The following RPTOR variants were observed in gnomAD, a reference collection of about 807,000 sequenced individuals.
RPTOR encodes regulatory-associated protein of mTOR.
Under a neutral mutation model 169.9 loss-of-function variants are expected in RPTOR, and 21 were observed. The observed-to-expected ratio is 0.12, with a 90% CI of 0.09 to 0.18. The LOEUF (loss-of-function observed/expected upper bound fraction) is 0.18, where lower values mean the gene tolerates loss of function less well. RPTOR is among the 10% of genes least tolerant of loss of function. RPTOR has a pLI of 1.00. For missense variants in RPTOR, 1,133 were observed against 1,855.9 expected (o/e 0.61, Z 7.16); for synonymous variants, 732 against 753.2 (o/e 0.97, Z 0.46).
chr17:80,880,119 C>A (rs944003703), intron 13 of RPTOR, among the ~76,000 whole-genome samples: 1 of 152,124 alleles, frequency 6.6e-6, no homozygotes, highest in Non-Finnish European at 1.5e-5. Flanking sequence ...TGGAGAGGAG[C>A]GGGGTGCAGG....
chr17:80,921,962 G>C lies in RPTOR; in HGVS notation c.2521-762G>C, dbSNP rs572618535. On this transcript the variant is annotated intron_variant, in intron 21 of 33. Transcript: ENST00000306801. Reference sequence around the variant, plus strand: ...AGGATGACCACAGCCCCTCGGCCAGGAGGATGTTAAGGGCGGTCTTGAGTT... The same window carrying C: ...AGGATGACCACAGCCCCTCGGCCAGCAGGATGTTAAGGGCGGTCTTGAGTT... Among the ~76,000 whole-genome samples, 3 of 152,308 alleles carry C rather than the reference G, an allele frequency of 2.0e-5. No individual in the cohort carries two copies. In the East Asian group the frequency reaches 5.8e-4, roughly 29 times the overall value.
At chr17:80,593,546 A>C (rs191148452) in intron 1 of RPTOR, 1 of 154,572 alleles carries the variant, frequency 6.5e-6, no homozygotes, top group Non-Finnish European at 1.5e-5. Context: ...GTGTGTATCA[A>C]ACAATACTGA....
At chr17:80,722,291 ACT>A (rs1331544932) in intron 4 of RPTOR, among the ~76,000 whole-genome samples, 1 of 150,968 alleles carries the variant, frequency 6.6e-6, no homozygotes, top group East Asian at 1.9e-4. Context: ...AAAATAACCA[ACT>A]CTCTGTAGAG....
At chr17:80,916,769 G>A (rs181702183) in intron 21 of RPTOR, among the ~76,000 whole-genome samples, 14 of 152,302 alleles carry the variant, frequency 9.2e-5, no homozygotes, top group Admixed American at 7.8e-4. Flanking sequence ...GGAGGCCAAG[G>A]CGGGCGGATC....
At chr17:80,580,960 C>T (rs1475920916) in intron 1 of RPTOR, among the ~76,000 whole-genome samples, 2 of 151,418 alleles carry the variant, frequency 1.3e-5, no homozygotes, top group African/African-American at 4.8e-5. Context: ...GAATCTGTGG[C>T]CACCCACATC....
At chr17:80,910,433 C>T (rs1033675063) in intron 21 of RPTOR, among the ~76,000 whole-genome samples, 11 of 152,164 alleles carry the variant, frequency 7.2e-5, no homozygotes, top group African/African-American at 2.7e-4. Flanking sequence ...TTTTTGGTAA[C>T]TTTTTGATAA....
At position 80,545,751 on chromosome 17, in the gene RPTOR, G is replaced by T. The variant is rs770106611; in HGVS notation, c.122G>T (p.Gly41Val). Residue 41 changes from glycine (G) to valine (V), a missense_variant, in exon 1 of 34, where the codon GGC (glycine) becomes GTC (valine). Transcript: ENST00000306801. ...AAGAGGCACTGTGAGAAAATTGAAG[G>T]CTCCAAATCCTTAGCTCAGAGCTGG... The part of the protein sequence containing the change: ...MKKRHCEKIE[G>V]SKSLAQSWRM... 6.2e-7 allele frequency: 1 copy of T among 1,613,796 alleles called. No individual in the cohort carries two copies. Among genetic ancestry groups the T allele is most frequent in the Non-Finnish European group, 8.5e-7 (1 of 1,179,830 alleles).
chr17:80,872,135 C>A (rs1313289661), intron 13 of RPTOR, among the ~76,000 whole-genome samples: 1 of 152,202 alleles, frequency 6.6e-6, no homozygotes, highest in Non-Finnish European at 1.5e-5. Context: ...CTGGCGTCTT[C>A]CACAGAAGCT....
chr17:80,662,234 C>T (rs546549321), intron 3 of RPTOR, among the ~76,000 whole-genome samples: 2 of 152,196 alleles, frequency 1.3e-5, no homozygotes, highest in Non-Finnish European at 2.9e-5. Flanking sequence ...CCTTCTGCCT[C>T]CTATCACCAG....
chr17:80,584,701 C>G (rs552202266), intron 1 of RPTOR, among the ~76,000 whole-genome samples: 2 of 152,210 alleles, frequency 1.3e-5, no homozygotes, highest in Non-Finnish European at 2.9e-5. Context: ...TTCAGCTTCA[C>G]GGGCCTGTCC....
In RPTOR at chr17:80,962,319, C is replaced by G. The variant is rs1357735110; in HGVS notation, c.3693-142C>G. On this transcript the variant is annotated intron_variant, in intron 31 of 33. Transcript: ENST00000306801. ...ACCTGGGCAGCCCTCACTGGGGACGCTGAGCATCCAGGCAGCTTTTTCCTT... is the reference window on the plus strand; with the variant it reads ...ACCTGGGCAGCCCTCACTGGGGACGGTGAGCATCCAGGCAGCTTTTTCCTT... 3 of 694,966 alleles carry G rather than the reference C, an allele frequency of 4.3e-6. No homozygotes were observed. In the African/African-American group the frequency reaches 5.4e-5, roughly 12 times the overall value. The allele number at this position is 694,966 out of a possible 1,614,324, so 43.0% of individuals were successfully genotyped here. A position where few individuals can be genotyped will look rare whatever the true frequency, so the allele number is the denominator to read the frequency against.
At chr17:80,881,302 G>A (rs1194803375) in intron 14 of RPTOR, among the ~76,000 whole-genome samples, 1 of 152,224 alleles carries the variant, frequency 6.6e-6, no homozygotes, top group African/African-American at 2.4e-5. Flanking sequence ...TGCACTTTGT[G>A]TTGTATTGAA....
At chr17:80,775,403 C>T (rs1343701022) in intron 6 of RPTOR, among the ~76,000 whole-genome samples, 1 of 152,190 alleles carries the variant, frequency 6.6e-6, no homozygotes, top group East Asian at 1.9e-4. Context: ...CAGCCCCATA[C>T]CCAGCCAGTC....
intron 17 of RPTOR, among the ~76,000 whole-genome samples, chr17:80,889,024 G>A (rs1011739470): frequency 2.0e-5 from 3 of 152,204 alleles, no homozygotes; most frequent in South Asian, 2.1e-4. Flanking sequence ...CTTGTCGTTC[G>A]TGATCAGAGG....
At chr17:80,713,127 G>A (rs1290737024) in intron 4 of RPTOR, among the ~76,000 whole-genome samples, 2 of 152,148 alleles carry the variant, frequency 1.3e-5, no homozygotes, top group African/African-American at 2.4e-5. Flanking sequence ...AGAGTACAAT[G>A]GCGTGATCTT....
At position 80,796,396 on chromosome 17, in the gene RPTOR, G is replaced by T. The variant is rs968537410; in HGVS notation, c.890+4887G>T. On this transcript the variant is annotated intron_variant, in intron 7 of 33. Transcript: ENST00000306801. ...GTTTAACTGAGTCACAGTTCTGCAT[G>T]GCTAGGGAGGCCTCAGGAAACTTAC... 3.3e-5 allele frequency among the ~76,000 whole-genome samples: 5 copies of T among 152,320 alleles called. No homozygotes were observed. The East Asian group carries it at 5.8e-4, about 18-fold the overall frequency.
At chr17:80,745,357 G>T (rs2066561948) in intron 5 of RPTOR, among the ~76,000 whole-genome samples, 1 of 152,190 alleles carries the variant, frequency 6.6e-6, no homozygotes, top group Non-Finnish European at 1.5e-5. Flanking sequence ...GGAAGGGCAG[G>T]CTGGAGGCTT....
At chr17:80,871,354 C>G (rs1015166228) in intron 13 of RPTOR, among the ~76,000 whole-genome samples, 4 of 152,174 alleles carry the variant, frequency 2.6e-5, no homozygotes, top group Admixed American at 2.6e-4. Context: ...CGTGAGCCAC[C>G]GCTCCCGGCC....
In RPTOR at chr17:80,964,516, T is replaced by G. The variant is rs2069400016; in HGVS notation, c.*186T>G. 1.6e-6 allele frequency: 1 copy of G among 628,132 alleles called. No homozygotes were observed. Among genetic ancestry groups the G allele is most frequent in the African/African-American group, 1.8e-5 (1 of 54,852 alleles). 38.9% of individuals were successfully genotyped at this position (628,132 alleles called of 1,614,324 possible). On this transcript the variant is annotated 3_prime_UTR_variant, in exon 34 of 34. Coordinates refer to ENST00000306801, the MANE Select transcript of RPTOR (RefSeq NM_020761.3). ...TCTGTCTTCGCTGTCGTGTCTGGAA[T>G]GTCAGGGAAGGGGAGGGCTCGGGTT...
Sources: allele counts gnomAD v4.1 joint callset (sites outside exome capture counted in the v4.1 genomes callset), GRCh38; gene constraint gnomAD v4.1.1; transcripts MANE v1.5; gene names NCBI Gene and HGNC (gene_info 2026-07-23, HGNC 2026-07-21).